PLPPR1: variants seen among roughly 807,000 people sequenced by gnomAD.
PLPPR1 encodes phospholipid phosphatase-related protein type 1.
Under a neutral mutation model 33.1 loss-of-function variants are expected in PLPPR1, and 10 were observed. The observed-to-expected ratio is 0.30, with a 90% CI of 0.19 to 0.51. The LOEUF (loss-of-function observed/expected upper bound fraction) is 0.51, where lower values mean the gene tolerates loss of function less well. Among genes scored for constraint, PLPPR1 ranks in the 20% least tolerant of loss-of-function variants. The pLI, the probability that PLPPR1 is intolerant of heterozygous loss-of-function variation, is 0.97. For missense variants in PLPPR1, 304 were observed against 408.1 expected (o/e 0.74, Z 2.20); for synonymous variants, 151 against 151.0 (o/e 1.00, Z 0.00).
At chr9:101,313,055 C>G in intron 6 of PLPPR1, 81 bp downstream of exon 6, 2 of 1,237,940 alleles carry the variant, frequency 1.6e-6, no homozygotes, top group South Asian at 2.6e-5. Flanking sequence ...CAGACTTCAC[C>G]ATCTGTGTTC....
chr9:101,073,352 C>T (rs768507969), intron 1 of PLPPR1, among the ~76,000 whole-genome samples: 2 of 151,942 alleles, frequency 1.3e-5, no homozygotes, highest in South Asian at 2.1e-4. Context: ...TGCAAAGGGC[C>T]GCTAATCAGG....
At chr9:101,283,057 G>A (rs1296895037) in intron 3 of PLPPR1, among the ~76,000 whole-genome samples, 1 of 152,028 alleles carries the variant, frequency 6.6e-6, no homozygotes, top group Non-Finnish European at 1.5e-5. Context: ...GGCTAGTCTT[G>A]AACTCCTGGC....
chr9:101,058,033 G>A (rs76646096), intron 1 of PLPPR1, among the ~76,000 whole-genome samples: 2,177 of 152,234 alleles, frequency 0.014, 58 homozygotes, highest in African/African-American at 0.05. Context: ...CCATTTCTAA[G>A]TAATGGTGTG....
intron 1 of PLPPR1, among the ~76,000 whole-genome samples, chr9:101,140,964 G>A (rs1398013425): frequency 6.6e-6 from 1 of 152,154 alleles, no homozygotes; most frequent in Non-Finnish European, 1.5e-5. Context: ...AACACTCTCT[G>A]CTTAGAGGTC....
chr9:101,149,248 C>T (rs1831555131), intron 1 of PLPPR1, among the ~76,000 whole-genome samples: 1 of 152,130 alleles, frequency 6.6e-6, no homozygotes, highest in Non-Finnish European at 1.5e-5. Flanking sequence ...TTAAGTAAAG[C>T]ATAGACACTG....
intron 7 of PLPPR1, 62 bp downstream of exon 7, chr9:101,317,558 C>G: frequency 1.3e-6 from 2 of 1,498,578 alleles, no homozygotes; most frequent in South Asian, 2.5e-5. Flanking sequence ...AGGTCAGTAT[C>G]AATCCATGAA....
chr9:101,034,070 G>A lies in PLPPR1; in HGVS notation c.-46+4968G>A, dbSNP rs116660212. Among the ~76,000 whole-genome samples the A allele has an allele frequency of 9.3e-3, 1,412 of 152,042 alleles. 21 individuals are homozygous for A. Among genetic ancestry groups the A allele is most frequent in the African/African-American group, 0.032 (1,335 of 41,470 alleles). On this transcript the variant is annotated intron_variant, in intron 1 of 7. Transcript: ENST00000374874. ...GGAGGAAAAAAAAAACGTGCAATGC[G>A]TAACTATCAGTCACTTATGAAGTCT...
chr9:101,099,848 T>G (rs977131355), intron 1 of PLPPR1, among the ~76,000 whole-genome samples: 10 of 152,106 alleles, frequency 6.6e-5, no homozygotes, highest in African/African-American at 2.4e-4. Context: ...AGTGCCCTTC[T>G]TTCTCCTCTT....
Position 101,043,590 on chromosome 9 carries a change from C to T in PLPPR1, c.-46+14488C>T, listed in dbSNP as rs1300052660. ...TCTACATTTTTGCAATTGCGAATTT[C>T]GCTGCTATAAACATGTTTGTGCAAG... On this transcript the variant is annotated intron_variant, in intron 1 of 7. Transcript: ENST00000374874. Among the ~76,000 whole-genome samples the T allele has an allele frequency of 7.2e-5, 11 of 151,894 alleles. No individual in the cohort carries two copies. In the South Asian group the frequency reaches 1.5e-3, roughly 20 times the overall value.
At chr9:101,203,773 A>G (rs1200237697) in intron 2 of PLPPR1, among the ~76,000 whole-genome samples, 1 of 49,190 alleles carries the variant, frequency 2.0e-5, no homozygotes, top group Non-Finnish European at 6.3e-5. Flanking sequence ...ATAACTTCAG[A>G]AGTTATTTTT....
rs903028468 is a variant in PLPPR1 at position 101,148,564 on chromosome 9, T to G, written c.-45-36886T>G. Among the ~76,000 whole-genome samples, 3 of 152,200 alleles carry G rather than the reference T, an allele frequency of 2.0e-5. No individual in the cohort carries two copies. In the East Asian group the frequency reaches 5.8e-4, roughly 29 times the overall value. On this transcript the variant is annotated intron_variant, in intron 1 of 7. Transcript: ENST00000374874. ...TGTGAGGTTAAGCCCTTTCTGTCTT[T>G]TGTTAAGCCCCTCCATTAGCATTGT...
chr9:101,138,584 G>T (rs1217273488), intron 1 of PLPPR1, among the ~76,000 whole-genome samples: 3 of 152,170 alleles, frequency 2.0e-5, no homozygotes, highest in Non-Finnish European at 2.9e-5. Flanking sequence ...TAAATCTTAT[G>T]CTCTTAGCTA....
intron 3 of PLPPR1, among the ~76,000 whole-genome samples, chr9:101,273,658 A>T (rs1332630690): frequency 6.6e-6 from 1 of 152,238 alleles, no homozygotes; most frequent in East Asian, 1.9e-4. Flanking sequence ...CCAAATTTAT[A>T]ATTATAAAAG....
chr9:101,249,248 T>A (rs1827672816), intron 2 of PLPPR1, among the ~76,000 whole-genome samples: 1 of 152,122 alleles, frequency 6.6e-6, no homozygotes, highest in Non-Finnish European at 1.5e-5. Flanking sequence ...CTGGAGAAGA[T>A]GCTTTGAAAC....
chr9:101,236,534 ACTC>A (rs1160982504), intron 2 of PLPPR1, among the ~76,000 whole-genome samples: 1 of 108,654 alleles, frequency 9.2e-6, no homozygotes, highest in East Asian at 2.3e-4. Flanking sequence ...CTCTCTCTAA[ACTC>A]ACACACACAC....
At chr9:101,288,574 TA>T (rs146555252) in intron 4 of PLPPR1, among the ~76,000 whole-genome samples, 9 of 150,918 alleles carry the variant, frequency 6.0e-5, no homozygotes, top group Admixed American at 2.6e-4. Context: ...AATAAAAAAA[TA>T]AAAAAAAAGC....
At chr9:101,091,667 C>T (rs1830743854) in intron 1 of PLPPR1, among the ~76,000 whole-genome samples, 1 of 152,144 alleles carries the variant, frequency 6.6e-6, no homozygotes, top group African/African-American at 2.4e-5. Flanking sequence ...CATCTGCAAC[C>T]TTAATCCCCC....
At chr9:101,088,792 C>A (rs557417553) in intron 1 of PLPPR1, among the ~76,000 whole-genome samples, 47 of 152,258 alleles carry the variant, frequency 3.1e-4, no homozygotes, top group African/African-American at 1.1e-3. Context: ...TGTCATTTAT[C>A]TTATAGTAAT....
At chr9:101,211,860 T>C (rs1293074319) in intron 2 of PLPPR1, among the ~76,000 whole-genome samples, 2 of 152,224 alleles carry the variant, frequency 1.3e-5, no homozygotes, top group Non-Finnish European at 2.9e-5. Flanking sequence ...ACATAAATTG[T>C]TTTAATCCTT....
Sources: allele counts gnomAD v4.1 joint callset (sites outside exome capture counted in the v4.1 genomes callset), GRCh38; gene constraint gnomAD v4.1.1; transcripts MANE v1.5; gene names NCBI Gene and HGNC (gene_info 2026-07-23, HGNC 2026-07-21).